Variants in CELF2 observed in about 807,000 individuals in gnomAD.
CELF2 encodes the protein CUGBP Elav-like family member 2, also known as CUG triplet repeat RNA-binding protein 2.
CELF2 carries 8 observed loss-of-function variants against 62.6 expected under a neutral mutation model. That is an observed-to-expected ratio of 0.13 (90% CI 0.07 to 0.23). CELF2 has a LOEUF of 0.23. Ranked by LOEUF, CELF2 falls within the 10% of genes least tolerant of loss-of-function variation. The pLI is 1.00. For synonymous variants in CELF2, 258 were observed against 250.0 expected (o/e 1.03, Z -0.30); for missense variants, 333 against 671.0 (o/e 0.50, Z 5.56).
the CELF2 span, among the ~76,000 whole-genome samples, chr10:10,719,103 A>C: frequency 1.3e-5 from 2 of 150,666 alleles, no homozygotes; most frequent in Admixed American, 1.3e-4. Flanking sequence ...CTGGGACTAC[A>C]GGCATGTACC....
chr10:11,257,581 A>G (rs1417278653), intron 4 of CELF2, 157 bp from the exon 5 acceptor site: 10 of 675,608 alleles, frequency 1.5e-5, no homozygotes, highest in Non-Finnish European at 2.2e-5. Context: ...GGTGGGGCGC[A>G]TGGAGGGAGG....
At chr10:10,900,230 GA>G (rs2062840507) in intron 1 of CELF2, among the ~76,000 whole-genome samples, 1 of 152,190 alleles carries the variant, frequency 6.6e-6, no homozygotes, top group Admixed American at 6.5e-5. Context: ...TTCATTCTAT[GA>G]GACAAGCATC....
At chr10:10,919,570 A>G (rs568047396) in intron 1 of CELF2, among the ~76,000 whole-genome samples, 1 of 152,356 alleles carries the variant, frequency 6.6e-6, no homozygotes, top group Non-Finnish European at 1.5e-5. Flanking sequence ...CCAAAGGAAT[A>G]CATTTCTCAG....
chr10:11,179,673 A>T (rs192407389), intron 2 of CELF2, among the ~76,000 whole-genome samples: 15 of 152,278 alleles, frequency 9.9e-5, no homozygotes, highest in Admixed American at 2.0e-4. Context: ...GCATGATGGA[A>T]TGGAGTGAGG....
chr10:10,705,135 G>A, the CELF2 span, among the ~76,000 whole-genome samples: 1 of 152,120 alleles, frequency 6.6e-6, no homozygotes, highest in East Asian at 1.9e-4. Flanking sequence ...GCAGTGAGCT[G>A]TGATCGTGCC....
chr10:10,887,892 C>T (rs947642960), intron 1 of CELF2, among the ~76,000 whole-genome samples: 3 of 152,134 alleles, frequency 2.0e-5, no homozygotes, highest in Admixed American at 2.0e-4. Context: ...CTGCCTCAAC[C>T]TCCTGAGTAG....
the CELF2 span, among the ~76,000 whole-genome samples, chr10:10,463,974 C>T: frequency 1.6e-5 from 2 of 127,618 alleles, no homozygotes; most frequent in African/African-American, 5.7e-5. Flanking sequence ...AAAAAAAAAA[C>T]TCCTATGGAT....
At chr10:11,323,603 G>A (rs2095569182) in intron 11 of CELF2, among the ~76,000 whole-genome samples, 1 of 152,074 alleles carries the variant, frequency 6.6e-6, no homozygotes, top group South Asian at 2.1e-4. Flanking sequence ...GAATGGGGAC[G>A]CTGGTGGACT....
At chr10:10,526,550 A>G in the CELF2 span, among the ~76,000 whole-genome samples, 42 of 152,230 alleles carry the variant, frequency 2.8e-4, 2 homozygotes, top group South Asian at 8.7e-3. Context: ...GCTGTAAACT[A>G]GCCCTTAGGT....
the CELF2 span, among the ~76,000 whole-genome samples, chr10:10,546,730 T>G: frequency 1.3e-5 from 2 of 152,134 alleles, no homozygotes; most frequent in Admixed American, 6.5e-5. Context: ...TTGAAACGAT[T>G]CTCCCAAAAA....
At chr10:10,738,738 C>T in the CELF2 span, among the ~76,000 whole-genome samples, 1 of 152,066 alleles carries the variant, frequency 6.6e-6, no homozygotes, top group Non-Finnish European at 1.5e-5. Context: ...CAAACATAGG[C>T]AAAGTCCAAG....
intron 1 of CELF2, among the ~76,000 whole-genome samples, chr10:11,040,415 C>T (rs1325780158): frequency 2.0e-5 from 3 of 152,088 alleles, no homozygotes; most frequent in Non-Finnish European, 4.4e-5. Context: ...ATAAAAGTAA[C>T]AATAGTTTAT....
At chr10:10,827,106 T>C in intron 1 of CELF2, among the ~76,000 whole-genome samples, 1 of 152,088 alleles carries the variant, frequency 6.6e-6, no homozygotes, top group South Asian at 2.1e-4. Context: ...GGGTTGTTTG[T>C]TTGTTTGTTT....
the CELF2 span, among the ~76,000 whole-genome samples, chr10:10,596,644 A>C: frequency 1.6e-4 from 25 of 152,308 alleles, no homozygotes; most frequent in African/African-American, 5.5e-4. Flanking sequence ...AACAACTGGA[A>C]GTCTTCTGGG....
chr10:10,741,492 CAAAAA>C, the CELF2 span, among the ~76,000 whole-genome samples: 92 of 57,328 alleles, frequency 1.6e-3, no homozygotes, highest in African/African-American at 5.1e-3. Flanking sequence ...GACTCCGTCT[CAAAAA>C]AAAAAAAAAA....
chr10:10,733,283 T>C, the CELF2 span, among the ~76,000 whole-genome samples: 4 of 152,208 alleles, frequency 2.6e-5, no homozygotes, highest in African/African-American at 9.7e-5. Flanking sequence ...CTCGGACCCA[T>C]AATCACATTT....
rs1296773141 is a variant in CELF2 at position 11,214,569 on chromosome 10, C to G, written c.272-2856C>G. Among the ~76,000 whole-genome samples, 1 of 152,214 alleles carries G rather than the reference C, an allele frequency of 6.6e-6. No homozygotes were observed. Among genetic ancestry groups the G allele is most frequent in the Non-Finnish European group, 1.5e-5 (1 of 68,042 alleles). On this transcript the variant is annotated intron_variant, in intron 2 of 12. Transcript: ENST00000633077. The surrounding 1 kb of genome is among the most constrained non-coding windows in gnomAD (Gnocchi z 4.2). The stretch of plus-strand genomic sequence containing the variant: ...CGCCCACCTGGAGATGGGATCCCCT[C>G]TTGGAATCGGCACAAAGGCTCCAGG...
At chr10:10,815,380 G>A (rs2056355857) in intron 1 of CELF2, among the ~76,000 whole-genome samples, 1 of 148,346 alleles carries the variant, frequency 6.7e-6, no homozygotes, top group Non-Finnish European at 1.5e-5. Flanking sequence ...ATTGAAAGAG[G>A]GGAGTGTTTG....
chr10:11,170,707 A>T (rs913794289), intron 2 of CELF2, among the ~76,000 whole-genome samples: 10 of 152,246 alleles, frequency 6.6e-5, no homozygotes, highest in African/African-American at 2.4e-4. Flanking sequence ...TTGGCAGTTG[A>T]TGTTCAATGG....
Sources: gnomAD v4.1 joint callset for allele counts (sites outside exome capture counted in the v4.1 genomes callset) on GRCh38, gnomAD v4.1.1 for gene constraint, Gnocchi (gnomAD v3.1) non-coding constraint, MANE v1.5 for transcripts, NCBI Gene and HGNC (gene_info 2026-07-23, HGNC 2026-07-21) for gene names.